Variants in PHF19 observed in about 807,000 individuals in gnomAD.
The protein encoded by PHF19 is PHD finger protein 19.
A neutral mutation model predicts 79.8 loss-of-function variants in PHF19; 21 were observed. The ratio of observed to expected loss-of-function variants is 0.26; its 90% CI spans 0.19 to 0.38. PHF19 has a LOEUF of 0.38. Ranked by LOEUF, PHF19 falls within the 10% of genes least tolerant of loss-of-function variation. The pLI, the probability that PHF19 is intolerant of heterozygous loss-of-function variation, is 1.00. For synonymous variants in PHF19, 273 were observed against 296.3 expected, an observed-to-expected ratio of 0.92 and a Z score of 0.81; for missense variants, 445 against 744.2, an observed-to-expected ratio of 0.60 and a Z score of 4.68.
intron 10 of PHF19, chr9:120,863,012 A>G (rs1280159537): frequency 4.5e-6 from 2 of 441,400 alleles, no homozygotes; most frequent in Admixed American, 3.6e-5. Context: ...GTTTGCCTCA[A>G]CCAGCCCCAA....
rs775425549 is a variant in PHF19 at position 120,866,939 on chromosome 9, T to C, written c.641A>G (p.Tyr214Cys). 4 of 1,611,638 alleles carry C rather than the reference T, an allele frequency of 2.5e-6. No individual in the cohort carries two copies. The East Asian group carries it at 8.9e-5, about 36-fold the overall frequency. Residue 214 changes from tyrosine (Y) to cysteine (C), a missense_variant, in exon 7 of 15, where the codon TAC becomes TGC. Tyr to Cys is a radical substitution (Grantham distance 194). Around this residue, in one of 5 missense-constraint regions of PHF19, gnomAD observed 167 missense variants for 375.8 expected, o/e 0.44. Coordinates refer to ENST00000373896, the MANE Select transcript of PHF19 (RefSeq NM_015651.3). This position sits in a 1 kb window ranked among gnomAD's most constrained non-coding sequence, Gnocchi z 5.2. ...CTCGTGGAACCACTGCCTGCACCGG[T>C]AACATTGCAGCATCCGCAGGTACCA... ...GEWYLRMLQC[Y>C]RCRQWFHEAC... is the part of the protein sequence containing the mutation.
chr9:120,862,220 A>G lies in PHF19; in HGVS notation c.1131-215T>C, dbSNP rs532913174. On this transcript the variant is annotated intron_variant, in intron 11 of 14. Transcript: ENST00000373896. The surrounding 1 kb of genome is among the most constrained non-coding windows in gnomAD (Gnocchi z 4.6). ...GAGAAGGTATAGTGGGCAGAAAAAG[A>G]AAAGGTGCCTCCCCAGGCACATGCA... is the stretch of plus-strand genomic sequence containing the variant. Among the ~76,000 whole-genome samples, 5 of 152,286 alleles carry G rather than the reference A, an allele frequency of 3.3e-5. No homozygotes were observed. The East Asian group carries it at 5.8e-4, about 18-fold the overall frequency.
At chr9:120,867,002 C>T (rs1191699209) in intron 6 of PHF19, 37 bp from the exon 7 acceptor site, 3 of 1,234,332 alleles carry the variant, frequency 2.4e-6, no homozygotes, top group East Asian at 2.3e-5. Context: ...GCCAGGACCA[C>T]ACCCCCAGTC....
rs762303997 is a variant in PHF19 at position 120,874,653 on chromosome 9, T to C, written c.89A>G (p.Lys30Arg). Residue 30 changes from lysine to arginine, a missense_variant, in exon 2 of 15, where the codon AAG (lysine) becomes AGG (arginine). Coordinates refer to ENST00000373896, the MANE Select transcript of PHF19 (RefSeq NM_015651.3). This position sits in a 1 kb window ranked among gnomAD's most constrained non-coding sequence, Gnocchi z 4.5. ...LPNKGALAKV[K>R]NNFKDLMSKL... ...GGACATCAAGTCTTTGAAGTTGTTC[T>C]TGACCTTCGCCAGGGCCCCCTTGTT... 1.1e-5 allele frequency: 18 copies of C among 1,613,870 alleles called. No homozygotes were observed. The highest frequency in any genetic ancestry group is 1.4e-5 in the Non-Finnish European group (17 of 1,179,840).
chr9:120,885,518 C>T (rs191006871), intron 1 of PHF19, among the ~76,000 whole-genome samples: 300 of 149,686 alleles, frequency 2.0e-3, no homozygotes, highest in African/African-American at 7.1e-3. Flanking sequence ...GCGGAGGTTG[C>T]AGTGAGCCGA....
At chr9:120,865,037 T>C (rs1015816973) in intron 9 of PHF19, among the ~76,000 whole-genome samples, 4 of 152,234 alleles carry the variant, frequency 2.6e-5, no homozygotes, top group Non-Finnish European at 5.9e-5. Context: ...AAAAAAATTA[T>C]CAAATACTGT....
chr9:120,883,245 C>T (rs1264946470), intron 1 of PHF19, among the ~76,000 whole-genome samples: 1 of 152,186 alleles, frequency 6.6e-6, no homozygotes, highest in East Asian at 1.9e-4. Context: ...TCACCAGACA[C>T]TGGAGATCCT....
At chr9:120,900,756 G>A in the PHF19 span, among the ~76,000 whole-genome samples, 2 of 151,886 alleles carry the variant, frequency 1.3e-5, no homozygotes, top group African/African-American at 2.4e-5. Context: ...CTATAGAGAC[G>A]GGATCTTGCT....
Position 120,860,896 on chromosome 9 carries a change from G to A in PHF19, c.1304+193C>T. On this transcript the variant is annotated intron_variant, in intron 13 of 14. Coordinates refer to ENST00000373896, the MANE Select transcript of PHF19 (RefSeq NM_015651.3). The surrounding 1 kb of genome is among the most constrained non-coding windows in gnomAD (Gnocchi z 4.1). ...TGAGTGTGGATAACCATGGGGCAAG[G>A]TGGGGAGGGCTGGAGAAGAGGGGAG... 1.8e-6 allele frequency: 1 copy of A among 564,202 alleles called. No individual in the cohort carries two copies. The highest frequency in any genetic ancestry group is 3.0e-5 in the East Asian group (1 of 32,972). The allele number at this position is 564,202 out of a possible 1,614,324, so 34.9% of individuals were successfully genotyped here.
upstream of PHF19, among the ~76,000 whole-genome samples, chr9:120,898,989 G>C (rs1007939078): frequency 6.6e-6 from 1 of 151,876 alleles, no homozygotes; most frequent in African/African-American, 2.4e-5. Context: ...ACCTGAGGTC[G>C]GGAGTTTGAG....
chr9:120,892,862 G>A (rs1416493129), intron 1 of PHF19, among the ~76,000 whole-genome samples: 1 of 152,226 alleles, frequency 6.6e-6, no homozygotes. Flanking sequence ...GATTCATTTT[G>A]TGGTTGCACA....
intron 12 of PHF19, 127 bp downstream of exon 12, chr9:120,861,791 G>T: frequency 1.3e-6 from 1 of 749,252 alleles, no homozygotes; most frequent in Non-Finnish European, 2.4e-6. Context: ...GCTGTAATAG[G>T]GACTGGCTTC....
intron 9 of PHF19, among the ~76,000 whole-genome samples, chr9:120,864,942 A>T (rs1490980758): frequency 1.3e-5 from 2 of 152,122 alleles, no homozygotes; most frequent in Admixed American, 6.5e-5. Flanking sequence ...TCCACCACGA[A>T]TATGTACAAT....
rs1564498494 is a variant in PHF19, at chr9:120,866,226, C to G, written c.711-130G>C. 3 of 731,310 alleles carry G rather than the reference C, an allele frequency of 4.1e-6. No individual in the cohort carries two copies. Among genetic ancestry groups the G allele is most frequent in the East Asian group, 2.7e-5 (1 of 37,734 alleles). 45.3% of individuals were successfully genotyped at this position (731,310 alleles called of 1,614,324 possible). ...TTCTCACTCCTAGGACTGCTGGCCA[C>G]TGGGGGTCAAGGACAGGGCAGGACA... On this transcript the variant is annotated intron_variant, in intron 7 of 14. Transcript: ENST00000373896. This position sits in a 1 kb window ranked among gnomAD's most constrained non-coding sequence, Gnocchi z 5.2.
Position 120,858,045 on chromosome 9 carries a change from G to A in PHF19, c.1642C>T (p.Arg548Trp). The A allele has an allele frequency of 6.2e-7, 1 of 1,614,088 alleles. No homozygotes were observed. Among genetic ancestry groups the A allele is most frequent in the Non-Finnish European group, 8.5e-7 (1 of 1,179,918 alleles). Residue 548 changes from arginine to tryptophan, a missense_variant, in exon 15 of 15, where the codon CGG (arginine) becomes TGG (tryptophan). Transcript: ENST00000373896. ...TGGTACTTCTCCCCACAGGCCAACC[G>A]CCCAGCTGCACCAAAGTAGTTGGTG... ...SITNYFGAAG[R>W]LACGEKYQVL... is the part of the protein sequence containing the mutation.
At chr9:120,858,847 ACACACACACACG>A (rs2045429441) in intron 14 of PHF19, among the ~76,000 whole-genome samples, 1 of 151,814 alleles carries the variant, frequency 6.6e-6, no homozygotes, top group South Asian at 2.1e-4. Flanking sequence ...ACACACACAC[ACACACACACACG>A]GGTGTTAGAG....
At chr9:120,873,871 G>C (rs539682192) in intron 3 of PHF19, 108 bp downstream of exon 3, 20 of 686,148 alleles carry the variant, frequency 2.9e-5, no homozygotes, top group African/African-American at 2.3e-4. Context: ...ATGGTCAAGG[G>C]CAGATGCCAG....
intron 1 of PHF19, among the ~76,000 whole-genome samples, chr9:120,885,299 G>A (rs2046246974): frequency 6.6e-6 from 1 of 152,130 alleles, no homozygotes; most frequent in Non-Finnish European, 1.5e-5. Context: ...AGCAGGAGAG[G>A]TTCGGCGCAG....
rs766878425 is a variant in PHF19 at position 120,866,810 on chromosome 9, T to C, written c.710+60A>G. 291 of 892,080 alleles carry C rather than the reference T, an allele frequency of 3.3e-4. 1 individual carries two copies. The highest frequency in any genetic ancestry group is 5.1e-4 in the Non-Finnish European group (266 of 524,920). The allele number at this position is 892,080 out of a possible 1,614,324, so 55.3% of individuals were successfully genotyped here. A position where few individuals can be genotyped will look rare whatever the true frequency, so the allele number is the denominator to read the frequency against. ...GCAGTCAACCTGCAGGAGTTGTTGCTGCCATCCCTGCCCTCTCCCCACCAC... is the reference window on the plus strand; with the variant it reads ...GCAGTCAACCTGCAGGAGTTGTTGCCGCCATCCCTGCCCTCTCCCCACCAC... On this transcript the variant is annotated intron_variant, in intron 7 of 14. Coordinates refer to ENST00000373896, the MANE Select transcript of PHF19 (RefSeq NM_015651.3). This position sits in a 1 kb window ranked among gnomAD's most constrained non-coding sequence, Gnocchi z 5.2.
Sources: gnomAD v4.1 joint callset for allele counts (sites outside exome capture counted in the v4.1 genomes callset) on GRCh38, gnomAD v4.1.1 for gene constraint, gnomAD v4.1.1 regional missense constraint, Gnocchi (gnomAD v3.1) non-coding constraint, MANE v1.5 for transcripts, NCBI Gene and HGNC (gene_info 2026-07-23, HGNC 2026-07-21) for gene names.